CNTNAP2: variants seen among roughly 807,000 people sequenced by gnomAD.
The protein encoded by CNTNAP2 is contactin-associated protein-like 2.
Under a neutral mutation model 155.2 loss-of-function variants are expected in CNTNAP2, and 98 were observed. The ratio of observed to expected loss-of-function variants is 0.63; its 90% CI spans 0.54 to 0.75. The LOEUF (loss-of-function observed/expected upper bound fraction) is 0.75, where lower values mean the gene tolerates loss of function less well. CNTNAP2 is among the 30% of genes least tolerant of loss of function. The pLI is 0.00. For synonymous variants in CNTNAP2, 651 were observed against 631.2 expected (o/e 1.03, Z -0.47); for missense variants, 1,727 against 1,688.1 (o/e 1.02, Z -0.40).
intron 1 of CNTNAP2, among the ~76,000 whole-genome samples, chr7:146,143,468 G>A (rs1394309986): frequency 1.3e-5 from 2 of 151,950 alleles, no homozygotes; most frequent in Non-Finnish European, 2.9e-5. Context: ...TGAGTCTCCA[G>A]AAAATTATGT....
chr7:147,791,438 G>GCTGT lies in CNTNAP2; in HGVS notation c.2099-112124_2099-112121dup, dbSNP rs1424310478. ...ATAGTCTTTCTCTGGCCTTCTGTTTGCTGTCTCTCTCTCTCTTTTTTTTTT... is the reference window on the plus strand; with the variant it reads ...ATAGTCTTTCTCTGGCCTTCTGTTTGCTGTCTGTCTCTCTCTCTCTTTTTTTTTT... On this transcript the variant is annotated intron_variant, in intron 13 of 23. Coordinates refer to ENST00000361727, the MANE Select transcript of CNTNAP2 (RefSeq NM_014141.6). Among the ~76,000 whole-genome samples the GCTGT allele has an allele frequency of 3.5e-5, 5 of 144,168 alleles. No individual in the cohort carries two copies. The East Asian group carries it at 1.0e-3, about 30-fold the overall frequency. The allele number at this position is 144,168 out of a possible 152,430, so 94.6% of individuals were successfully genotyped here.
intron 16 of CNTNAP2, among the ~76,000 whole-genome samples, chr7:148,127,449 T>C (rs1804739791): frequency 6.6e-6 from 1 of 152,192 alleles, no homozygotes; most frequent in African/African-American, 2.4e-5. Context: ...AAGTTTGAGA[T>C]TTTTAAGGTA....
intron 3 of CNTNAP2, among the ~76,000 whole-genome samples, chr7:146,910,335 C>G (rs1796244223): frequency 6.7e-6 from 1 of 150,076 alleles, no homozygotes; most frequent in African/African-American, 2.5e-5. Flanking sequence ...AAAAAAGAGC[C>G]CGCATCGCCA....
intron 15 of CNTNAP2, among the ~76,000 whole-genome samples, chr7:148,042,399 C>A (rs891661417): frequency 1.6e-4 from 25 of 152,164 alleles, no homozygotes; most frequent in African/African-American, 5.5e-4. Context: ...TGCCTGATTT[C>A]TTTTTAAAGC....
At chr7:147,485,244 A>G (rs1375112289) in intron 10 of CNTNAP2, among the ~76,000 whole-genome samples, 2 of 152,234 alleles carry the variant, frequency 1.3e-5, no homozygotes, top group Non-Finnish European at 2.9e-5. Flanking sequence ...TATTTGTAAG[A>G]TAGAATTATC....
At chr7:146,571,252 T>C (rs1481061109) in intron 1 of CNTNAP2, among the ~76,000 whole-genome samples, 1 of 152,100 alleles carries the variant, frequency 6.6e-6, no homozygotes, top group Non-Finnish European at 1.5e-5. Flanking sequence ...TTGCAAACTG[T>C]AATGGGAAGT....
At chr7:147,056,970 TTA>T (rs1173774962) in intron 4 of CNTNAP2, among the ~76,000 whole-genome samples, 1 of 151,102 alleles carries the variant, frequency 6.6e-6, no homozygotes, top group African/African-American at 2.5e-5. Context: ...AGAGATGGGG[TTA>T]TTTTTTTTTT....
Position 147,108,332 on chromosome 7 carries a change from G to A in CNTNAP2, c.736G>A (p.Val246Ile), listed in dbSNP as rs933650648. 5.0e-5 allele frequency: 80 copies of A among 1,613,246 alleles called. No homozygotes were observed. The highest frequency in any genetic ancestry group is 6.8e-5 in the Non-Finnish European group (80 of 1,179,644). The change falls in exon 5 of 24, where the codon GTC (valine) becomes ATC (isoleucine). Residue 246 changes from valine (V) to isoleucine (I), a missense_variant. By Grantham distance (29) the Val-to-Ile change is conservative (BLOSUM62 3). Transcript: ENST00000361727. ...CTTGGAACTGAAAAAAGCCAAGCTGGTCCTCAGTTTAAACTTAGGTGTGTT... is the reference window on the plus strand; with the variant it reads ...CTTGGAACTGAAAAAAGCCAAGCTGATCCTCAGTTTAAACTTAGGTGTGTT... The part of the protein sequence containing the change: ...ITLELKKAKL[V>I]LSLNLGSNQL...
At chr7:147,879,154 A>C (rs1799475840) in intron 13 of CNTNAP2, among the ~76,000 whole-genome samples, 1 of 152,218 alleles carries the variant, frequency 6.6e-6, no homozygotes, top group African/African-American at 2.4e-5. Context: ...TTCAACTTGC[A>C]AAGTAGCAAA....
intron 3 of CNTNAP2, among the ~76,000 whole-genome samples, chr7:146,932,819 T>G (rs368004730): frequency 1.3e-5 from 2 of 152,106 alleles, no homozygotes; most frequent in Non-Finnish European, 2.9e-5. Flanking sequence ...CCAAATCATG[T>G]GTGAACTCCC....
At chr7:146,324,124 T>C (rs1211886667) in intron 1 of CNTNAP2, among the ~76,000 whole-genome samples, 1 of 152,114 alleles carries the variant, frequency 6.6e-6, no homozygotes, top group Admixed American at 6.5e-5. Context: ...GGCTTGGGCA[T>C]GATGGTGGGT....
rs1002785217 is a variant in CNTNAP2 at position 146,633,851 on chromosome 7, A to C, written c.98-140420A>C. Among the ~76,000 whole-genome samples, 6 of 132,960 alleles carry C rather than the reference A, an allele frequency of 4.5e-5. No individual in the cohort carries two copies. In the East Asian group the frequency reaches 8.2e-4, roughly 18 times the overall value. 87.2% of individuals were successfully genotyped at this position (132,960 alleles called of 152,430 possible). A position where few individuals can be genotyped will look rare whatever the true frequency, so the allele number is the denominator to read the frequency against. ...TCTAGAGAAAAAAAAAAAAAAAAAA[A>C]AAAAACAGAAACGTCTAAGTTGCAG... On this transcript the variant is annotated intron_variant, in intron 1 of 23. Coordinates refer to ENST00000361727, the MANE Select transcript of CNTNAP2 (RefSeq NM_014141.6).
At position 147,739,875 on chromosome 7, in the gene CNTNAP2, A is replaced by G. The variant is rs10952708; in HGVS notation, c.2098+100569A>G. Among the ~76,000 whole-genome samples the G allele has an allele frequency of 1.4e-3, 212 of 152,076 alleles. 1 individual carries two copies. Among genetic ancestry groups the G allele is most frequent in the African/African-American group, 4.8e-3 (199 of 41,462 alleles). ...TAAAACTTAAGTATATTACATATCT[A>G]TTGAATACTGATTTCAGCATTTTTG... On this transcript the variant is annotated intron_variant, in intron 13 of 23. Transcript: ENST00000361727.
At chr7:147,291,412 G>A (rs1048088727) in intron 8 of CNTNAP2, among the ~76,000 whole-genome samples, 3 of 151,866 alleles carry the variant, frequency 2.0e-5, no homozygotes, top group African/African-American at 7.3e-5. Context: ...CATAAAATAT[G>A]TTATTTTTAT....
At chr7:147,442,219 A>G (rs1269232071) in intron 10 of CNTNAP2, among the ~76,000 whole-genome samples, 1 of 152,052 alleles carries the variant, frequency 6.6e-6, no homozygotes, top group Non-Finnish European at 1.5e-5. Flanking sequence ...CTCAAACCAC[A>G]AGATACAGTC....
intron 1 of CNTNAP2, among the ~76,000 whole-genome samples, chr7:146,210,315 T>C (rs773906669): frequency 1.3e-5 from 2 of 152,132 alleles, no homozygotes; most frequent in African/African-American, 2.4e-5. Flanking sequence ...AGTGATGTAG[T>C]ACACAAAAGC....
chr7:146,187,751 G>A (rs1197358984), intron 1 of CNTNAP2, among the ~76,000 whole-genome samples: 1 of 151,730 alleles, frequency 6.6e-6, no homozygotes, highest in Non-Finnish European at 1.5e-5. Flanking sequence ...CCAACAACAC[G>A]GAACTCTCTC....
chr7:146,450,480 T>A (rs958441134), intron 1 of CNTNAP2, among the ~76,000 whole-genome samples: 4 of 152,226 alleles, frequency 2.6e-5, no homozygotes, highest in Non-Finnish European at 2.9e-5. Flanking sequence ...GATTAACTTA[T>A]ATGGGACCTA....
In CNTNAP2 at chr7:147,013,805, A is replaced by T. The variant is rs370967134; in HGVS notation, c.403-30102A>T. Among the ~76,000 whole-genome samples, 5 of 152,244 alleles carry T rather than the reference A, an allele frequency of 3.3e-5. No homozygotes were observed. In the East Asian group the frequency reaches 9.7e-4, roughly 29 times the overall value. On this transcript the variant is annotated intron_variant, in intron 3 of 23. Coordinates refer to ENST00000361727, the MANE Select transcript of CNTNAP2 (RefSeq NM_014141.6). ...GTTCTTGAAAGAGGAATCCTGTCTT[A>T]TTCCTCTTTGGGATAAGGGGAATAT...
Sources: allele counts gnomAD v4.1 joint callset (sites outside exome capture counted in the v4.1 genomes callset), GRCh38; gene constraint gnomAD v4.1.1; transcripts MANE v1.5; gene names NCBI Gene and HGNC (gene_info 2026-07-23, HGNC 2026-07-21).